DACH2: variants seen among roughly 807,000 people sequenced by gnomAD.
The protein encoded by DACH2 is dachshund homolog 2.
In DACH2, 17 loss-of-function variants were observed where a neutral mutation model predicts 35.8. That is an observed-to-expected ratio of 0.48 (90% CI 0.33 to 0.71). DACH2 has a LOEUF of 0.71. DACH2 is among the 30% of genes least tolerant of loss of function. The pLI is 0.02. For missense variants in DACH2, 469 were observed against 472.7 expected (o/e 0.99, Z 0.07); for synonymous variants, 195 against 177.3 (o/e 1.10, Z -0.79).
At chrX:86,566,499 G>A (rs1277964899) in intron 3 of DACH2, among the ~76,000 whole-genome samples, 2 of 111,423 alleles carry the variant, frequency 1.8e-5, no homozygotes, top group Non-Finnish European at 3.8e-5. Flanking sequence ...TCTAGAAAAT[G>A]TATATGATTT....
chrX:86,299,343 G>A (rs1456951902), intron 1 of DACH2, among the ~76,000 whole-genome samples: 1 of 111,321 alleles, frequency 9.0e-6, no homozygotes, highest in African/African-American at 3.3e-5. Flanking sequence ...ACTTTTCCAT[G>A]CCCCCAATGA....
rs2041051259 is a variant in DACH2, at chrX:86,695,078, G to A, written c.830G>A (p.Gly277Glu). ...ATGCAGTCTCCATTTGCTGCACCTGGACCCCAACATGGAATTGCTCATGCA... is the reference window on the plus strand; with the variant it reads ...ATGCAGTCTCCATTTGCTGCACCTGAACCCCAACATGGAATTGCTCATGCA... ...DKMQSPFAAPGPQHGIAHAAL... is the reference protein window; with the variant it reads ...DKMQSPFAAPEPQHGIAHAAL... Residue 277 changes from glycine to glutamate, a missense_variant, in exon 5 of 12, where the codon GGA becomes GAA. By Grantham distance (98) the Gly-to-Glu change is moderately conservative. Transcript: ENST00000373125. 1 of 1,149,135 alleles carries A rather than the reference G, an allele frequency of 8.7e-7. No individual in the cohort carries two copies. The highest frequency in any genetic ancestry group is 1.2e-6 in the Non-Finnish European group (1 of 862,555). 94.7% of individuals were successfully genotyped at this position (1,149,135 alleles called of 1,213,427 possible). A position where few individuals can be genotyped will look rare whatever the true frequency, so the allele number is the denominator to read the frequency against.
chrX:86,449,773 A>C lies in DACH2; in HGVS notation c.528-64506A>C, dbSNP rs188521708. 1.7e-3 allele frequency among the ~76,000 whole-genome samples: 191 copies of C among 111,646 alleles called. 1 individual carries two copies. Among genetic ancestry groups the C allele is most frequent in the Non-Finnish European group, 2.0e-3 (105 of 53,002 alleles). On this transcript the variant is annotated intron_variant, in intron 2 of 11. Transcript: ENST00000373125. ...TTGATCACATTAATAAAAAGTTTCT[A>C]TATTTTAATCCCTCCCCCAGCTTGA...
chrX:86,649,368 A>G (rs139314457), intron 3 of DACH2, among the ~76,000 whole-genome samples: 3,881 of 110,928 alleles, frequency 0.035, 183 homozygotes, highest in African/African-American at 0.12. Context: ...TGAGGAGCCA[A>G]TGTAAATTCT....
At chrX:86,300,174 A>T (rs1253683551) in intron 1 of DACH2, among the ~76,000 whole-genome samples, 6 of 111,479 alleles carry the variant, frequency 5.4e-5, no homozygotes, top group Non-Finnish European at 1.1e-4. Context: ...TTAATTATAT[A>T]GGCATCTCAA....
chrX:86,465,960 T>TA (rs1218140603), intron 2 of DACH2, among the ~76,000 whole-genome samples: 1 of 111,775 alleles, frequency 8.9e-6, no homozygotes, highest in Non-Finnish European at 1.9e-5. Flanking sequence ...GTGGGTGAGA[T>TA]AAGTAGTGGG....
intron 2 of DACH2, among the ~76,000 whole-genome samples, chrX:86,468,424 A>G (rs1182960641): frequency 9.0e-6 from 1 of 111,017 alleles, no homozygotes; most frequent in Non-Finnish European, 1.9e-5. Context: ...TTGGTATACC[A>G]TCTATCATTG....
intron 1 of DACH2, among the ~76,000 whole-genome samples, chrX:86,290,866 A>C (rs1378948208): frequency 9.5e-6 from 1 of 105,116 alleles, no homozygotes; most frequent in African/African-American, 3.5e-5. Context: ...TGATGCCTCC[A>C]GCTTTGTTCT....
At chrX:86,396,782 G>C (rs375242142) in intron 2 of DACH2, among the ~76,000 whole-genome samples, 1 of 111,125 alleles carries the variant, frequency 9.0e-6, no homozygotes, top group South Asian at 3.8e-4. Context: ...TACTGTTTTG[G>C]TTACTGTAGC....
chrX:86,309,027 A>T (rs2034746108), intron 1 of DACH2, among the ~76,000 whole-genome samples: 1 of 111,602 alleles, frequency 9.0e-6, no homozygotes, highest in Non-Finnish European at 1.9e-5. Context: ...GTGAGGACTA[A>T]TTATGGTGGG....
intron 3 of DACH2, among the ~76,000 whole-genome samples, chrX:86,556,795 T>TATATAGAGAGAGAGAGAGAG (rs1232719385): frequency 4.0e-5 from 1 of 25,309 alleles, no homozygotes; most frequent in Non-Finnish European, 6.3e-5. Flanking sequence ...TATATATATA[T>TATATAGAGAGAGAGAGAGAG]AGAGAGAGAG....
At chrX:86,276,220 C>T (rs1162778102) in intron 1 of DACH2, among the ~76,000 whole-genome samples, 2 of 111,828 alleles carry the variant, frequency 1.8e-5, no homozygotes, top group Non-Finnish European at 3.8e-5. Flanking sequence ...TGGATATAAG[C>T]CATTTGAACT....
At chrX:86,648,143 A>G (rs967376307) in intron 3 of DACH2, among the ~76,000 whole-genome samples, 17 of 111,624 alleles carry the variant, frequency 1.5e-4, no homozygotes, top group Non-Finnish European at 2.8e-4. Context: ...TGTAATTTGA[A>G]CATAATGTAA....
intron 1 of DACH2, among the ~76,000 whole-genome samples, chrX:86,335,353 A>G (rs1316201945): frequency 8.9e-6 from 1 of 111,854 alleles, no homozygotes; most frequent in African/African-American, 3.3e-5. Flanking sequence ...CAGTATGGCC[A>G]TTTTCACAAT....
intron 7 of DACH2, among the ~76,000 whole-genome samples, chrX:86,791,707 T>C (rs1292454506): frequency 5.4e-5 from 6 of 111,901 alleles, no homozygotes; most frequent in Non-Finnish European, 9.4e-5. Flanking sequence ...CAGATATTTA[T>C]TGAATGTCTA....
chrX:86,442,560 C>A (rs2037186788), intron 2 of DACH2, among the ~76,000 whole-genome samples: 1 of 109,524 alleles, frequency 9.1e-6, no homozygotes, highest in Non-Finnish European at 1.9e-5. Context: ...TTGTTGAAAT[C>A]CCATTTGTTT....
chrX:86,341,604 T>C (rs1489302443), intron 1 of DACH2, among the ~76,000 whole-genome samples: 1 of 112,256 alleles, frequency 8.9e-6, no homozygotes, highest in African/African-American at 3.2e-5. Flanking sequence ...TTCTAAGGAA[T>C]ACATTTTGTA....
chrX:86,148,901 T>A lies in DACH2; in HGVS notation c.281T>A (p.Val94Asp). The change falls in exon 1 of 12, where the codon GTC becomes GAC. Residue 94 changes from valine (V) to aspartate (D), a missense_variant. By Grantham distance (152) the Val-to-Asp change is radical. Coordinates refer to ENST00000373125, the MANE Select transcript of DACH2 (RefSeq NM_053281.3). ...DGQELICLPQ[V>D]FDLFLKHLVG... ...CAGGAACTGATCTGCCTGCCGCAAG[T>A]CTTTGATCTTTTTCTCAAGCACCTG... 8.3e-7 allele frequency: 1 copy of A among 1,210,544 alleles called. No homozygotes were observed. Among genetic ancestry groups the A allele is most frequent in the Non-Finnish European group, 1.1e-6 (1 of 895,298 alleles).
At chrX:86,431,251 G>T (rs1251577443) in intron 2 of DACH2, among the ~76,000 whole-genome samples, 1 of 111,451 alleles carries the variant, frequency 9.0e-6, no homozygotes, top group Non-Finnish European at 1.9e-5. Context: ...TTGTGAGCCT[G>T]GGAAAATTGG....
Sources: allele counts gnomAD v4.1 joint callset (sites outside exome capture counted in the v4.1 genomes callset), GRCh38; gene constraint gnomAD v4.1.1; transcripts MANE v1.5; gene names NCBI Gene and HGNC (gene_info 2026-07-23, HGNC 2026-07-21).